Variants in UBE2E1 observed in about 807,000 individuals in gnomAD.
UBE2E1 encodes ubiquitin-conjugating enzyme E2 E1.
A neutral mutation model predicts 21.4 loss-of-function variants in UBE2E1; 6 were observed. The ratio of observed to expected loss-of-function variants is 0.28; its 90% confidence interval spans 0.15 to 0.55. The LOEUF is 0.55. Ranked by LOEUF, UBE2E1 falls within the 20% of genes least tolerant of loss-of-function variation. The pLI, the probability that UBE2E1 is intolerant of heterozygous loss-of-function variation, is 0.93. For missense variants in UBE2E1, 142 were observed against 236.5 expected, an observed-to-expected ratio of 0.60 and a Z score of 2.62; for synonymous variants, 87 against 82.7, an observed-to-expected ratio of 1.05 and a Z score of -0.28.
chr3:23,889,540 T>C, intron 5 of UBE2E1: 1 of 1,382,356 alleles, frequency 7.2e-7, no homozygotes, highest in Non-Finnish European at 9.3e-7. Flanking sequence ...TTTTTTTTCC[T>C]GTTGCTTAAT....
At chr3:23,815,863 A>G (rs1699504661) in intron 3 of UBE2E1, among the ~76,000 whole-genome samples, 1 of 152,196 alleles carries the variant, frequency 6.6e-6, no homozygotes, top group Admixed American at 6.5e-5. Flanking sequence ...AAACATCTGA[A>G]TGATGTTTAG....
rs114075655 is a variant in UBE2E1, at chr3:23,862,564, T to C, written c.204-25003T>C. 2.3e-3 allele frequency among the ~76,000 whole-genome samples: 352 copies of C among 152,348 alleles called. 1 individual carries two copies. Among genetic ancestry groups the C allele is most frequent in the African/African-American group, 8.1e-3 (337 of 41,572 alleles). On this transcript the variant is annotated intron_variant, in intron 3 of 5. Coordinates refer to ENST00000306627, the MANE Select transcript of UBE2E1 (RefSeq NM_003341.5). ...CCTGAATTATGTGGTGAATCTATAA[T>C]ATTAAGCTAATATGTTATGCTTGAT...
At chr3:23,889,018 T>C in intron 4 of UBE2E1, 94 bp from the exon 5 acceptor site, 1 of 1,299,340 alleles carries the variant, frequency 7.7e-7, no homozygotes, top group Non-Finnish European at 1.0e-6. Flanking sequence ...TAATTAAAAC[T>C]GCTTTTAGTC....
chr3:23,843,003 A>G (rs1483860377), intron 3 of UBE2E1, among the ~76,000 whole-genome samples: 2 of 151,868 alleles, frequency 1.3e-5, no homozygotes, highest in Non-Finnish European at 2.9e-5. Flanking sequence ...CATAGCATAT[A>G]TACTATATAT....
At chr3:23,812,446 G>A (rs925763058) in intron 3 of UBE2E1, among the ~76,000 whole-genome samples, 9 of 152,150 alleles carry the variant, frequency 5.9e-5, no homozygotes, top group African/African-American at 2.2e-4. Flanking sequence ...TGAGTGTGTG[G>A]GAATAGGTTG....
rs1699324141 is a variant in UBE2E1, at chr3:23,808,569, TA to T, written c.152+1150del. On this transcript the variant is annotated intron_variant, in intron 2 of 5. Transcript: ENST00000306627. This position sits in a 1 kb window ranked among gnomAD's most constrained non-coding sequence, Gnocchi z 4.9. ...TTGTTCTGTCATTCTCCCTGACTTG[TA>T]ATTTGAAAACTTGGCAGTGTTTTGG... 2 of 152,368 alleles carry T rather than the reference TA, an allele frequency of 1.3e-5. No homozygotes were observed. Among genetic ancestry groups the T allele is most frequent in the Admixed American group, 6.5e-5 (1 of 15,308 alleles). 9.4% of individuals were successfully genotyped at this position (152,368 alleles called of 1,614,324 possible).
chr3:23,881,700 T>C (rs570721498), intron 3 of UBE2E1, among the ~76,000 whole-genome samples: 11 of 152,320 alleles, frequency 7.2e-5, no homozygotes, highest in Non-Finnish European at 1.3e-4. Flanking sequence ...CTGCTCCCAT[T>C]GTGTCCGGAA....
At chr3:23,882,275 G>A (rs1701062399) in intron 3 of UBE2E1, among the ~76,000 whole-genome samples, 1 of 152,108 alleles carries the variant, frequency 6.6e-6, no homozygotes, top group African/African-American at 2.4e-5. Context: ...GTGCTGATTG[G>A]TGCGTTTACA....
chr3:23,886,809 C>G (rs777742955), intron 3 of UBE2E1, among the ~76,000 whole-genome samples: 5 of 152,140 alleles, frequency 3.3e-5, no homozygotes, highest in African/African-American at 4.8e-5. Flanking sequence ...CAATTCACAT[C>G]GTACATTTAT....
chr3:23,847,488 A>ATTTT (rs71057627), intron 3 of UBE2E1, among the ~76,000 whole-genome samples: 83 of 96,124 alleles, frequency 8.6e-4, no homozygotes, highest in East Asian at 1.2e-3. Flanking sequence ...TGTACTTTAA[A>ATTTT]TTTTTTTTTT....
intron 3 of UBE2E1, among the ~76,000 whole-genome samples, chr3:23,872,885 C>T (rs917186081): frequency 1.3e-5 from 2 of 151,952 alleles, no homozygotes; most frequent in Admixed American, 6.6e-5. Context: ...GGCGTGGTGG[C>T]GCATGCCTGT....
intron 3 of UBE2E1, among the ~76,000 whole-genome samples, chr3:23,845,544 C>T (rs1280614807): frequency 1.3e-5 from 2 of 148,638 alleles, no homozygotes; most frequent in South Asian, 2.2e-4. Context: ...TTTTGTCCAT[C>T]TCCCCACTGT....
chr3:23,825,809 C>T (rs764406257), intron 3 of UBE2E1, among the ~76,000 whole-genome samples: 4 of 152,072 alleles, frequency 2.6e-5, no homozygotes, highest in South Asian at 2.1e-4. Context: ...AGTAGAAAGC[C>T]GTGGGAGAGC....
At chr3:23,849,474 A>G (rs1242315100) in intron 3 of UBE2E1, among the ~76,000 whole-genome samples, 3 of 152,120 alleles carry the variant, frequency 2.0e-5, no homozygotes, top group African/African-American at 2.4e-5. Context: ...CCCCTCATAC[A>G]TTAGGTGTTT....
At chr3:23,841,458 C>T (rs147681392) in intron 3 of UBE2E1, among the ~76,000 whole-genome samples, 474 of 151,872 alleles carry the variant, frequency 3.1e-3, no homozygotes, top group African/African-American at 0.011. Flanking sequence ...AATTCTAATA[C>T]GATTAAAGGT....
chr3:23,880,130 C>T (rs1356126256), intron 3 of UBE2E1, among the ~76,000 whole-genome samples: 1 of 152,172 alleles, frequency 6.6e-6, no homozygotes, highest in Non-Finnish European at 1.5e-5. Context: ...CGCCTGTAAT[C>T]CCAGCACTTT....
intron 3 of UBE2E1, among the ~76,000 whole-genome samples, chr3:23,851,956 G>A (rs1700335045): frequency 6.6e-6 from 1 of 152,104 alleles, no homozygotes; most frequent in African/African-American, 2.4e-5. Context: ...CTGCTCTCAC[G>A]GTAATGAGTG....
At position 23,810,388 on chromosome 3, in the gene UBE2E1, T is replaced by TG; in HGVS notation, c.153-1068dup. The TG allele has an allele frequency of 6.6e-7, 1 of 1,521,552 alleles. No homozygotes were observed. The highest frequency in any genetic ancestry group is 8.8e-7 in the Non-Finnish European group (1 of 1,135,030). 94.3% of individuals were successfully genotyped at this position (1,521,552 alleles called of 1,614,324 possible). On this transcript the variant is annotated intron_variant, in intron 2 of 5. Coordinates refer to ENST00000306627, the MANE Select transcript of UBE2E1 (RefSeq NM_003341.5). The surrounding 1 kb of genome is among the most constrained non-coding windows in gnomAD (Gnocchi z 5.8). ...GTGGCTTCGGCCTATGAGTGGGGGA[T>TG]GGGGCCCTTTGTGAAGTCGAGGGTT...
Position 23,806,511 on chromosome 3 carries a change from C to G in UBE2E1, c.-34+423C>G, listed in dbSNP as rs1040736842. On this transcript the variant is annotated intron_variant, in intron 1 of 5. Coordinates refer to ENST00000306627, the MANE Select transcript of UBE2E1 (RefSeq NM_003341.5). This position sits in a 1 kb window ranked among gnomAD's most constrained non-coding sequence, Gnocchi z 6.5. ...TATGTCTTCGCTGCGGAGGCCGACCCCCCCATTCCCCGCCGCAGCCCCTAT... is the reference window on the plus strand; with the variant it reads ...TATGTCTTCGCTGCGGAGGCCGACCGCCCCATTCCCCGCCGCAGCCCCTAT... Among the ~76,000 whole-genome samples, 2 of 151,738 alleles carry G rather than the reference C, an allele frequency of 1.3e-5. No individual in the cohort carries two copies. The highest frequency in any genetic ancestry group is 4.8e-5 in the African/African-American group (2 of 41,346).
Sources: gnomAD v4.1 joint callset for allele counts (sites outside exome capture counted in the v4.1 genomes callset) on GRCh38, gnomAD v4.1.1 for gene constraint, Gnocchi (gnomAD v3.1) non-coding constraint, MANE v1.5 for transcripts, NCBI Gene and HGNC (gene_info 2026-07-23, HGNC 2026-07-21) for gene names.